The following ABHD16B variants were observed in gnomAD, a reference collection of about 807,000 sequenced individuals.
ABHD16B encodes the protein abhydrolase domain-containing protein 16B.
ABHD16B carries 14 observed loss-of-function variants against 10.5 expected under a neutral mutation model. The ratio of observed to expected loss-of-function variants is 1.33; its 90% CI spans 0.88 to 2.08. The LOEUF (loss-of-function observed/expected upper bound fraction) is 2.08. Among genes scored for constraint, ABHD16B ranks in the 30% most tolerant of loss-of-function variants. The pLI is 0.00. For synonymous variants in ABHD16B, 374 were observed against 337.9 expected (o/e 1.11, Z -1.17); for missense variants, 763 against 717.4 (o/e 1.06, Z -0.73).
In ABHD16B at chr20:63,861,680, A is replaced by C; in HGVS notation, c.140A>C (p.His47Pro). Residue 47 changes from histidine (H) to proline (P), a missense_variant, in exon 1 of 1, where the codon CAC becomes CCC. His to Pro is a moderately conservative substitution (Grantham distance 77). Coordinates refer to ENST00000369916, the MANE Select transcript of ABHD16B (RefSeq NM_080622.4). The surrounding 1 kb of genome is among the most constrained non-coding windows in gnomAD (Gnocchi z 5.4). ...DVRAVGRSSSHRALTCAAAAA... is the reference protein window; with the variant it reads ...DVRAVGRSSSPRALTCAAAAA... The stretch of plus-strand genomic sequence containing the variant: ...CGCGCCGTGGGCCGGAGCAGCAGCC[A>C]CCGGGCGCTGACCTGCGCGGCAGCC... The C allele has an allele frequency of 2.0e-6, 3 of 1,531,098 alleles. No individual in the cohort carries two copies. Among genetic ancestry groups the C allele is most frequent in the Non-Finnish European group, 2.6e-6 (3 of 1,142,114 alleles). 94.8% of individuals were successfully genotyped at this position (1,531,098 alleles called of 1,614,324 possible).
chr20:63,861,608 C>T lies in ABHD16B; in HGVS notation c.68C>T (p.Thr23Ile), dbSNP rs754047152. ...VFKIYLTASY[T>I]YPFRGWPVAF... ...AAGATCTACCTGACCGCCAGCTACA[C>T]CTACCCATTCCGCGGCTGGCCCGTG... Residue 23 changes from threonine (T) to isoleucine (I), a missense_variant, in exon 1 of 1, where the codon ACC becomes ATC. Transcript: ENST00000369916. The surrounding 1 kb of genome is among the most constrained non-coding windows in gnomAD (Gnocchi z 5.4). 6.4e-7 allele frequency: 1 copy of T among 1,556,562 alleles called. No individual in the cohort carries two copies.
rs1046339833 is a variant in ABHD16B at position 63,861,979 on chromosome 20, G to A, written c.439G>A (p.Ala147Thr). ...CCACGGCCGGCGCGCCAAGCTGGTG[G>A]CCTGTGACGGCAACGAGATCGACAC... ...RYHGRRAKLVACDGNEIDTMF... is the reference protein window; with the variant it reads ...RYHGRRAKLVTCDGNEIDTMF... The change falls in exon 1 of 1, where the codon GCC becomes ACC. Residue 147 changes from alanine (A) to threonine (T), a missense_variant. By Grantham distance (58) the Ala-to-Thr change is moderately conservative. Coordinates refer to ENST00000369916, the MANE Select transcript of ABHD16B (RefSeq NM_080622.4). This position sits in a 1 kb window ranked among gnomAD's most constrained non-coding sequence, Gnocchi z 5.4. 1 of 1,596,910 alleles carries A rather than the reference G, an allele frequency of 6.3e-7. No homozygotes were observed. Among genetic ancestry groups the A allele is most frequent in the African/African-American group, 1.4e-5 (1 of 73,244 alleles).
At position 63,861,619 on chromosome 20, in the gene ABHD16B, C is replaced by T. The variant is rs750467062; in HGVS notation, c.79C>T (p.Arg27Cys). 1.9e-6 allele frequency: 3 copies of T among 1,552,138 alleles called. No individual in the cohort carries two copies. The highest frequency in any genetic ancestry group is 2.6e-6 in the Non-Finnish European group (3 of 1,150,778). Reference sequence around the variant, plus strand: ...GACCGCCAGCTACACCTACCCATTCCGCGGCTGGCCCGTGGCCTTCCGCTG... The same window carrying T: ...GACCGCCAGCTACACCTACCCATTCTGCGGCTGGCCCGTGGCCTTCCGCTG... ...YLTASYTYPF[R>C]GWPVAFRWDD... Residue 27 changes from arginine (R) to cysteine (C), a missense_variant, in exon 1 of 1, where the codon CGC (arginine) becomes TGC (cysteine). Transcript: ENST00000369916. This position sits in a 1 kb window ranked among gnomAD's most constrained non-coding sequence, Gnocchi z 5.4.
chr20:63,862,183 T>C lies in ABHD16B; in HGVS notation c.643T>C (p.Phe215Leu). The change falls in exon 1 of 1, where the codon TTC becomes CTC. Residue 215 changes from phenylalanine (F) to leucine (L), a missense_variant. Phe to Leu is a conservative substitution (Grantham distance 22). Transcript: ENST00000369916. This position sits in a 1 kb window ranked among gnomAD's most constrained non-coding sequence, Gnocchi z 7.5. ...PGFGSSTGVPFPQHDANAMDV... is the reference protein window; with the variant it reads ...PGFGSSTGVPLPQHDANAMDV... ...CTTCGGCAGCAGCACTGGCGTGCCC[T>C]TCCCTCAGCACGACGCCAACGCCAT... 6.2e-7 allele frequency: 1 copy of C among 1,611,372 alleles called. No individual in the cohort carries two copies. Among genetic ancestry groups the C allele is most frequent in the African/African-American group, 1.3e-5 (1 of 74,984 alleles).
rs1429725884 is a variant in ABHD16B, at chr20:63,862,257, G to A, written c.717G>A (p.Ala239=). ...YALHRLHFPP[A]HLVVYGWSVG... is the part of the protein sequence containing the mutation. ...TGCACCGCCTGCACTTCCCGCCCGC[G>A]CACCTGGTGGTCTACGGCTGGTCTG... is the stretch of plus-strand genomic sequence containing the variant. The change falls in exon 1 of 1, where the codon GCG becomes GCA. Residue 239 remains alanine, a synonymous_variant. Transcript: ENST00000369916. The surrounding 1 kb of genome is among the most constrained non-coding windows in gnomAD (Gnocchi z 7.5). 1.2e-6 allele frequency: 2 copies of A among 1,611,956 alleles called. No homozygotes were observed. The highest frequency in any genetic ancestry group is 1.3e-5 in the African/African-American group (1 of 75,014).
In ABHD16B at chr20:63,862,756, G is replaced by A. The variant is rs1568929224; in HGVS notation, c.1216G>A (p.Glu406Lys). 2 of 1,529,220 alleles carry A rather than the reference G, an allele frequency of 1.3e-6. No homozygotes were observed. The highest frequency in any genetic ancestry group is 1.4e-5 in the African/African-American group (1 of 72,710). 94.7% of individuals were successfully genotyped at this position (1,529,220 alleles called of 1,614,324 possible). A position where few individuals can be genotyped will look rare whatever the true frequency, so the allele number is the denominator to read the frequency against. Residue 406 changes from glutamate (E) to lysine (K), a missense_variant, in exon 1 of 1, where the codon GAA becomes AAA. Glu to Lys is a moderately conservative substitution (Grantham distance 56). Transcript: ENST00000369916. This position sits in a 1 kb window ranked among gnomAD's most constrained non-coding sequence, Gnocchi z 7.5. The stretch of plus-strand genomic sequence containing the variant: ...GCTGCGCTCCTACCGTGCACGCTGC[G>A]AAGAGGAGCTGGAGGGCGAGGAGGC... ...ALLRSYRARC[E>K]EELEGEEALG...
At position 63,862,452 on chromosome 20, in the gene ABHD16B, C is replaced by A; in HGVS notation, c.912C>A (p.Ala304=). 3.2e-6 allele frequency: 5 copies of A among 1,569,126 alleles called. No individual in the cohort carries two copies. Among genetic ancestry groups the A allele is most frequent in the Non-Finnish European group, 4.3e-6 (5 of 1,162,148 alleles). Residue 304 remains alanine (A), a synonymous_variant, in exon 1 of 1, where the codon GCC becomes GCA. Coordinates refer to ENST00000369916, the MANE Select transcript of ABHD16B (RefSeq NM_080622.4). This position sits in a 1 kb window ranked among gnomAD's most constrained non-coding sequence, Gnocchi z 7.5. ...TVREHFNLNV[A]EQLCCYPGPV... is the part of the protein sequence containing the mutation. ...GCGAGCACTTCAACCTCAACGTGGC[C>A]GAGCAGCTGTGCTGCTACCCGGGGC...
Position 63,862,492 on chromosome 20 carries a change from C to T in ABHD16B, c.952C>T (p.Arg318Ter). 3 of 1,564,720 alleles carry T rather than the reference C, an allele frequency of 1.9e-6. No individual in the cohort carries two copies. Among genetic ancestry groups the T allele is most frequent in the Non-Finnish European group, 2.6e-6 (3 of 1,160,748 alleles). The change falls in exon 1 of 1, where the codon CGA becomes TGA. Residue 318 changes from arginine to a stop codon, truncating the protein, a stop_gained. Transcript: ENST00000369916. LOFTEE classifies it low-confidence loss of function (END_TRUNC). The surrounding 1 kb of genome is among the most constrained non-coding windows in gnomAD (Gnocchi z 7.5). ...CCYPGPVLLL[R>*]RTQDDVVSTS... Reference sequence around the variant, plus strand: ...CTACCCGGGGCCGGTGCTGCTGCTCCGACGCACGCAGGATGACGTGGTCAG... The same window carrying T: ...CTACCCGGGGCCGGTGCTGCTGCTCTGACGCACGCAGGATGACGTGGTCAG...
Position 63,862,483 on chromosome 20 carries a change from C to T in ABHD16B, c.943C>T (p.Leu315=), listed in dbSNP as rs1435612837. 8 of 1,564,782 alleles carry T rather than the reference C, an allele frequency of 5.1e-6. No individual in the cohort carries two copies. Among genetic ancestry groups the T allele is most frequent in the Non-Finnish European group, 6.0e-6 (7 of 1,160,610 alleles). The change falls in exon 1 of 1, where the codon CTG becomes TTG. Residue 315 remains leucine, a synonymous_variant. Coordinates refer to ENST00000369916, the MANE Select transcript of ABHD16B (RefSeq NM_080622.4). This position sits in a 1 kb window ranked among gnomAD's most constrained non-coding sequence, Gnocchi z 7.5. ...EQLCCYPGPV[L]LLRRTQDDVV... The stretch of plus-strand genomic sequence containing the variant: ...GCTGTGCTGCTACCCGGGGCCGGTG[C>T]TGCTGCTCCGACGCACGCAGGATGA...
chr20:63,861,692 C>A lies in ABHD16B; in HGVS notation c.152C>A (p.Thr51Asn). 1 of 1,505,302 alleles carries A rather than the reference C, an allele frequency of 6.6e-7. No individual in the cohort carries two copies. The highest frequency in any genetic ancestry group is 1.2e-5 in the South Asian group (1 of 80,794). 93.2% of individuals were successfully genotyped at this position (1,505,302 alleles called of 1,614,324 possible). A position where few individuals can be genotyped will look rare whatever the true frequency, so the allele number is the denominator to read the frequency against. Residue 51 changes from threonine (T) to asparagine (N), a missense_variant, in exon 1 of 1, where the codon ACC becomes AAC. Physicochemically the swap from Thr to Asn is moderately conservative, Grantham distance 65 (BLOSUM62 0). Transcript: ENST00000369916. The surrounding 1 kb of genome is among the most constrained non-coding windows in gnomAD (Gnocchi z 5.4). ...VGRSSSHRAL[T>N]CAAAAAGVWL... ...CGGAGCAGCAGCCACCGGGCGCTGA[C>A]CTGCGCGGCAGCCGCGGCGGGCGTG...
rs764960488 is a variant in ABHD16B at position 63,862,828 on chromosome 20, C to T, written c.1288C>T (p.Leu430=). ...CTTCCCATGGCTGGTGGGCCAGGGCCTGAGCTCGCGGCGGCGCCGGCGCCT... is the reference window on the plus strand; with the variant it reads ...CTTCCCATGGCTGGTGGGCCAGGGCTTGAGCTCGCGGCGGCGCCGGCGCCT... ...PAFPWLVGQG[L]SSRRRRRLAL... The change falls in exon 1 of 1, where the codon CTG becomes TTG. Residue 430 remains leucine, a synonymous_variant. Coordinates refer to ENST00000369916, the MANE Select transcript of ABHD16B (RefSeq NM_080622.4). The surrounding 1 kb of genome is among the most constrained non-coding windows in gnomAD (Gnocchi z 7.5). 5 of 1,535,130 alleles carry T rather than the reference C, an allele frequency of 3.3e-6. No individual in the cohort carries two copies. The African/African-American group carries it at 6.9e-5, about 21-fold the overall frequency.
At position 63,862,504 on chromosome 20, in the gene ABHD16B, G is replaced by A. The variant is rs1447734163; in HGVS notation, c.964G>A (p.Asp322Asn). 3 of 1,567,698 alleles carry A rather than the reference G, an allele frequency of 1.9e-6. No individual in the cohort carries two copies. The highest frequency in any genetic ancestry group is 2.3e-5 in the East Asian group (1 of 43,022). The change falls in exon 1 of 1, where the codon GAT becomes AAT. Residue 322 changes from aspartate (D) to asparagine (N), a missense_variant. Asp to Asn is a conservative substitution (Grantham distance 23). Coordinates refer to ENST00000369916, the MANE Select transcript of ABHD16B (RefSeq NM_080622.4). The surrounding 1 kb of genome is among the most constrained non-coding windows in gnomAD (Gnocchi z 7.5). Reference protein sequence around the residue: ...GPVLLLRRTQDDVVSTSGRLR... With the variant: ...GPVLLLRRTQNDVVSTSGRLR... The stretch of plus-strand genomic sequence containing the variant: ...GGTGCTGCTGCTCCGACGCACGCAG[G>A]ATGACGTGGTCAGCACTTCGGGCCG...
In ABHD16B at chr20:63,861,929, G is replaced by C; in HGVS notation, c.389G>C (p.Gly130Ala). The C allele has an allele frequency of 6.3e-7, 1 of 1,594,192 alleles. No individual in the cohort carries two copies. Among genetic ancestry groups the C allele is most frequent in the East Asian group, 2.2e-5 (1 of 44,642 alleles). ...TRALLPLLQQ[G>A]QERLVERYHG... ...GCGCTGCTGCCGCTGCTGCAGCAGG[G>C]CCAAGAGCGCCTCGTGGAGCGCTAC... Residue 130 changes from glycine (G) to alanine (A), a missense_variant, in exon 1 of 1, where the codon GGC becomes GCC. Gly to Ala is a moderately conservative substitution (Grantham distance 60). Coordinates refer to ENST00000369916, the MANE Select transcript of ABHD16B (RefSeq NM_080622.4). The surrounding 1 kb of genome is among the most constrained non-coding windows in gnomAD (Gnocchi z 5.4).
chr20:63,862,933 T>C lies in ABHD16B; in HGVS notation c.1393T>C (p.Leu465=), dbSNP rs765854833. The C allele has an allele frequency of 1.1e-4, 164 of 1,482,226 alleles. No homozygotes were observed. Among genetic ancestry groups the C allele is most frequent in the Non-Finnish European group, 1.4e-4 (152 of 1,115,254 alleles). The allele number at this position is 1,482,226 out of a possible 1,614,324, so 91.8% of individuals were successfully genotyped here. A position where few individuals can be genotyped will look rare whatever the true frequency, so the allele number is the denominator to read the frequency against. The part of the protein sequence containing the change: ...FSPLEPEEFQ[L]PWRL ...CCCTCTGGAGCCTGAGGAGTTTCAG[T>C]TGCCCTGGCGGCTGTAACCTATATG... Residue 465 remains leucine (L), a synonymous_variant, in exon 1 of 1, where the codon TTG becomes CTG. Coordinates refer to ENST00000369916, the MANE Select transcript of ABHD16B (RefSeq NM_080622.4). This position sits in a 1 kb window ranked among gnomAD's most constrained non-coding sequence, Gnocchi z 7.5.
chr20:63,861,732 C>T lies in ABHD16B; in HGVS notation c.192C>T (p.Asp64=), dbSNP rs941723052. The T allele has an allele frequency of 9.8e-6, 14 of 1,424,174 alleles. No individual in the cohort carries two copies. The highest frequency in any genetic ancestry group is 1.5e-5 in the African/African-American group (1 of 65,826). The allele number at this position is 1,424,174 out of a possible 1,614,324, so 88.2% of individuals were successfully genotyped here. ...CGGCGGGCGTGTGGTTGCTGCGGGA[C>T]GAGACGCTGGGCGGGGATGCGCTGG... ...AAAAGVWLLR[D]ETLGGDALGR... Residue 64 remains aspartate, a synonymous_variant, in exon 1 of 1, where the codon GAC becomes GAT. Coordinates refer to ENST00000369916, the MANE Select transcript of ABHD16B (RefSeq NM_080622.4). The surrounding 1 kb of genome is among the most constrained non-coding windows in gnomAD (Gnocchi z 5.4).
chr20:63,862,009 T>C lies in ABHD16B; in HGVS notation c.469T>C (p.Phe157Leu). 1 of 1,605,160 alleles carries C rather than the reference T, an allele frequency of 6.2e-7. No homozygotes were observed. The highest frequency in any genetic ancestry group is 8.5e-7 in the Non-Finnish European group (1 of 1,179,092). Residue 157 changes from phenylalanine to leucine, a missense_variant, in exon 1 of 1, where the codon TTC (phenylalanine) becomes CTC (leucine). Transcript: ENST00000369916. This position sits in a 1 kb window ranked among gnomAD's most constrained non-coding sequence, Gnocchi z 7.5. ...ACDGNEIDTMFMDRRQHPGSH... is the reference protein window; with the variant it reads ...ACDGNEIDTMLMDRRQHPGSH... ...TGACGGCAACGAGATCGACACTATG[T>C]TCATGGACCGCCGCCAGCACCCGGG... is the stretch of plus-strand genomic sequence containing the variant.
Position 63,861,849 on chromosome 20 carries a change from C to CCACTCGCTGGGCCGCTGGCT in ABHD16B, c.311_330dup (p.Val111ThrfsTer15). On this transcript the variant is annotated frameshift_variant, in exon 1 of 1. Transcript: ENST00000369916. LOFTEE classifies it high-confidence loss of function. This position sits in a 1 kb window ranked among gnomAD's most constrained non-coding sequence, Gnocchi z 5.4. Reference sequence around the variant, plus strand: ...GCCAGCTCGCTAGCTACGCGCTGGCCCACTCGCTGGGCCGCTGGCTCGTGT... The same window carrying CCACTCGCTGGGCCGCTGGCT: ...GCCAGCTCGCTAGCTACGCGCTGGCCCACTCGCTGGGCCGCTGGCTCACTCGCTGGGCCGCTGGCTCGTGT... 1.3e-6 allele frequency: 2 copies of CCACTCGCTGGGCCGCTGGCT among 1,552,600 alleles called. No individual in the cohort carries two copies. Among genetic ancestry groups the CCACTCGCTGGGCCGCTGGCT allele is most frequent in the Non-Finnish European group, 1.7e-6 (2 of 1,156,028 alleles).
rs2052090825 is a variant in ABHD16B, at chr20:63,862,034, G to A, written c.494G>A (p.Gly165Asp). Reference protein sequence around the residue: ...TMFMDRRQHPGSHVHGPRLVI... With the variant: ...TMFMDRRQHPDSHVHGPRLVI... ...TTCATGGACCGCCGCCAGCACCCGG[G>A]CAGCCACGTGCACGGGCCGCGCCTC... The change falls in exon 1 of 1, where the codon GGC (glycine) becomes GAC (aspartate). Residue 165 changes from glycine (G) to aspartate (D), a missense_variant. By Grantham distance (94) the Gly-to-Asp change is moderately conservative (BLOSUM62 -1). Coordinates refer to ENST00000369916, the MANE Select transcript of ABHD16B (RefSeq NM_080622.4). The surrounding 1 kb of genome is among the most constrained non-coding windows in gnomAD (Gnocchi z 7.5). 6.2e-7 allele frequency: 1 copy of A among 1,608,734 alleles called. No individual in the cohort carries two copies. Among genetic ancestry groups the A allele is most frequent in the Non-Finnish European group, 8.5e-7 (1 of 1,179,454 alleles).
In ABHD16B at chr20:63,861,704, CCGCGGCGGG is replaced by C. The variant is rs1323504023; in HGVS notation, c.167_175del (p.Ala56_Gly58del). On this transcript the variant is annotated inframe_deletion, in exon 1 of 1. Transcript: ENST00000369916. The surrounding 1 kb of genome is among the most constrained non-coding windows in gnomAD (Gnocchi z 5.4). ...CACCGGGCGCTGACCTGCGCGGCAG[CCGCGGCGGG>C]CGTGTGGTTGCTGCGGGACGAGACG... is the stretch of plus-strand genomic sequence containing the variant. 15 of 1,468,064 alleles carry C rather than the reference CCGCGGCGGG, an allele frequency of 1.0e-5. No homozygotes were observed. The highest frequency in any genetic ancestry group is 5.6e-5 in the East Asian group (2 of 35,804). The allele number at this position is 1,468,064 out of a possible 1,614,324, so 90.9% of individuals were successfully genotyped here.
Sources: gnomAD v4.1 joint callset for allele counts on GRCh38, gnomAD v4.1.1 for gene constraint, Gnocchi (gnomAD v3.1) non-coding constraint, MANE v1.5 for transcripts, NCBI Gene and HGNC (gene_info 2026-07-23, HGNC 2026-07-21) for gene names.